The following LRP1B variants were observed in gnomAD, a reference collection of about 807,000 sequenced individuals.
LRP1B encodes the protein low-density lipoprotein receptor-related protein 1B.
Under a neutral mutation model 556.6 loss-of-function variants are expected in LRP1B, and 217 were observed. The observed-to-expected ratio is 0.39, with a 90% CI of 0.35 to 0.44. The LOEUF is 0.44. LRP1B is among the 20% of genes least tolerant of loss of function. The pLI is 1.00. For missense variants in LRP1B, 5,053 were observed against 5,620.8 expected, an observed-to-expected ratio of 0.90 and a Z score of 3.23; for synonymous variants, 2,047 against 1,865.8, an observed-to-expected ratio of 1.10 and a Z score of -2.50.
At chr2:141,718,954 A>C (rs1692719814) in intron 2 of LRP1B, among the ~76,000 whole-genome samples, 1 of 141,958 alleles carries the variant, frequency 7.0e-6, no homozygotes, top group Non-Finnish European at 1.5e-5. Context: ...AAAATTCTAA[A>C]AATAAGTACT....
At chr2:141,538,354 A>G (rs1038419424) in intron 2 of LRP1B, among the ~76,000 whole-genome samples, 2 of 152,172 alleles carry the variant, frequency 1.3e-5, no homozygotes, top group African/African-American at 4.8e-5. Context: ...TCTCGCTTCT[A>G]TAGTAAATGA....
intron 35 of LRP1B, among the ~76,000 whole-genome samples, chr2:140,765,659 G>C (rs1311008149): frequency 6.6e-6 from 1 of 151,950 alleles, no homozygotes; most frequent in East Asian, 1.9e-4. Flanking sequence ...AGAGTATCCA[G>C]AATTGCTTCA....
At chr2:141,930,550 A>G (rs1700471580) in intron 1 of LRP1B, among the ~76,000 whole-genome samples, 1 of 152,132 alleles carries the variant, frequency 6.6e-6, no homozygotes, top group African/African-American at 2.4e-5. Context: ...GATAGTTCAA[A>G]TATCAGTAAT....
chr2:141,273,923 A>G (rs1330495223), intron 3 of LRP1B, among the ~76,000 whole-genome samples: 1 of 152,252 alleles, frequency 6.6e-6, no homozygotes, highest in East Asian at 1.9e-4. Flanking sequence ...ATATTTCTGT[A>G]AAGAAGTTAC....
chr2:140,847,774 A>C (rs1489831782), intron 29 of LRP1B, among the ~76,000 whole-genome samples: 1 of 83,006 alleles, frequency 1.2e-5, no homozygotes, highest in Non-Finnish European at 2.8e-5. Context: ...AAAAAAAAAA[A>C]AAGAAGAAAG....
chr2:140,362,721 T>C (rs763250137), intron 72 of LRP1B, among the ~76,000 whole-genome samples: 1 of 151,680 alleles, frequency 6.6e-6, no homozygotes, highest in Non-Finnish European at 1.5e-5. Flanking sequence ...AGCTAAATAT[T>C]TCCCAGGCCT....
At chr2:140,320,155 G>T (rs1046679570) in intron 82 of LRP1B, among the ~76,000 whole-genome samples, 1 of 152,080 alleles carries the variant, frequency 6.6e-6, no homozygotes, top group Non-Finnish European at 1.5e-5. Context: ...AATTCTGACT[G>T]ATCCCCTATT....
chr2:140,384,200 T>C (rs958085991), intron 67 of LRP1B, among the ~76,000 whole-genome samples: 4 of 152,290 alleles, frequency 2.6e-5, no homozygotes, highest in African/African-American at 9.6e-5. Context: ...GCTTTCAACA[T>C]CCTTCCGTTA....
intron 37 of LRP1B, among the ~76,000 whole-genome samples, chr2:140,709,852 C>T (rs947779562): frequency 1.3e-5 from 2 of 152,016 alleles, no homozygotes; most frequent in African/African-American, 4.8e-5. Context: ...CAAGAATCTT[C>T]ATTTTTAAGT....
At chr2:140,356,286 G>T (rs1682211182) in intron 75 of LRP1B, 56 bp downstream of exon 75, 7 of 1,563,436 alleles carry the variant, frequency 4.5e-6, no homozygotes, top group Non-Finnish European at 6.1e-6. Context: ...TAGAAGTCTT[G>T]GGAATCTTCA....
intron 2 of LRP1B, among the ~76,000 whole-genome samples, chr2:141,630,699 A>G (rs968710340): frequency 4.0e-5 from 6 of 151,706 alleles, no homozygotes; most frequent in African/African-American, 1.4e-4. Context: ...CCCATCCTAA[A>G]TAGAGGAGCA....
At chr2:140,784,423 A>AC (rs1559117345) in intron 32 of LRP1B, among the ~76,000 whole-genome samples, 12 of 76,178 alleles carry the variant, frequency 1.6e-4, no homozygotes, top group African/African-American at 4.5e-4. Flanking sequence ...CACACACACA[A>AC]AAGGCTCAGT....
chr2:141,315,107 T>G (rs913525868), intron 3 of LRP1B, among the ~76,000 whole-genome samples: 1 of 150,682 alleles, frequency 6.6e-6, no homozygotes, highest in African/African-American at 2.4e-5. Flanking sequence ...AACTTAAAAC[T>G]GAAGGAACAC....
intron 35 of LRP1B, among the ~76,000 whole-genome samples, chr2:140,766,845 T>A (rs796324712): frequency 0.082 from 3,435 of 41,976 alleles, 142 homozygotes; most frequent in Admixed American, 0.22. Flanking sequence ...ATATATATAT[T>A]ATATATATAT....
intron 1 of LRP1B, among the ~76,000 whole-genome samples, chr2:141,862,655 C>A (rs1285193777): frequency 2.6e-5 from 4 of 152,218 alleles, no homozygotes; most frequent in Non-Finnish European, 4.4e-5. Flanking sequence ...GATCCACCTG[C>A]ATTGGCCTCC....
intron 2 of LRP1B, among the ~76,000 whole-genome samples, chr2:141,748,383 C>T (rs1018993555): frequency 1.3e-5 from 2 of 152,076 alleles, no homozygotes; most frequent in Admixed American, 6.6e-5. Flanking sequence ...TTATCTCTAA[C>T]CCTAAATATA....
intron 6 of LRP1B, among the ~76,000 whole-genome samples, chr2:141,216,783 A>G (rs1162315946): frequency 6.6e-6 from 1 of 152,170 alleles, no homozygotes; most frequent in Non-Finnish European, 1.5e-5. Flanking sequence ...TTACAGGGAC[A>G]CGTAGCCCTT....
intron 2 of LRP1B, among the ~76,000 whole-genome samples, chr2:141,798,729 A>AAG (rs1491326503): frequency 6.8e-6 from 1 of 147,190 alleles, no homozygotes; most frequent in Non-Finnish European, 1.5e-5. Flanking sequence ...AAAAAAAAAA[A>AAG]GAATATATTT....
chr2:141,428,311 G>A (rs938474456), intron 3 of LRP1B, among the ~76,000 whole-genome samples: 1 of 152,088 alleles, frequency 6.6e-6, no homozygotes, highest in Non-Finnish European at 1.5e-5. Flanking sequence ...TTCACCTCCT[G>A]AGATCAACTT....
Sources: gnomAD v4.1 joint callset for allele counts (sites outside exome capture counted in the v4.1 genomes callset) on GRCh38, gnomAD v4.1.1 for gene constraint, MANE v1.5 for transcripts, NCBI Gene and HGNC (gene_info 2026-07-23, HGNC 2026-07-21) for gene names.